The following IPO11 variants were observed in gnomAD, a reference collection of about 807,000 sequenced individuals.
IPO11 encodes importin 11.
IPO11 carries 66 observed loss-of-function variants against 143.2 expected under a neutral mutation model. That is an observed-to-expected ratio of 0.46 (90% confidence interval 0.38 to 0.57). The LOEUF is 0.57. IPO11 is among the 20% of genes least tolerant of loss of function. The probability of loss-of-function intolerance (pLI) is 0.00; values close to 1 mark genes in which losing one functional copy is unlikely to be tolerated. For missense variants in IPO11, 1,026 were observed against 1,141.0 expected (o/e 0.90, Z 1.45); for synonymous variants, 385 against 377.8 (o/e 1.02, Z -0.22).
chr5:62,539,392 G>T (rs374097216), intron 24 of IPO11, among the ~76,000 whole-genome samples: 67 of 152,214 alleles, frequency 4.4e-4, no homozygotes, highest in African/African-American at 1.6e-3. Flanking sequence ...TTTTGTTGTT[G>T]CAGGGACAAA....
chr5:62,582,064 T>A (rs926768841), intron 27 of IPO11, among the ~76,000 whole-genome samples: 2 of 152,066 alleles, frequency 1.3e-5, no homozygotes, highest in Admixed American at 6.6e-5. Context: ...GAAAGAGAGA[T>A]CAGGTGATGA....
chr5:62,571,989 T>A (rs1040156029), intron 27 of IPO11, among the ~76,000 whole-genome samples: 4 of 152,164 alleles, frequency 2.6e-5, no homozygotes, highest in African/African-American at 9.7e-5. Flanking sequence ...CCCGGCCTTA[T>A]TAAACCTTTT....
intron 5 of IPO11, among the ~76,000 whole-genome samples, chr5:62,460,930 A>G (rs1745339032): frequency 6.6e-6 from 1 of 152,132 alleles, no homozygotes. Flanking sequence ...TCTGGAGCAG[A>G]TAGGAGGTAT....
Position 62,471,694 on chromosome 5 carries a change from T to C in IPO11, c.708+1386T>C, listed in dbSNP as rs144123492. On this transcript the variant is annotated intron_variant, in intron 7 of 29. Transcript: ENST00000325324. ...TTCCATTGTCAGTTATATTGTTACA[T>C]GTTATTTTTAAAATGATTGTATGGT... 4.4e-3 allele frequency among the ~76,000 whole-genome samples: 671 copies of C among 152,338 alleles called. 7 individuals carry two copies. Among genetic ancestry groups the C allele is most frequent in the African/African-American group, 0.016 (647 of 41,582 alleles).
intron 27 of IPO11, chr5:62,580,721 C>CT (rs1744518884): frequency 1.3e-6 from 2 of 1,551,414 alleles, no homozygotes; most frequent in Non-Finnish European, 1.7e-6. Context: ...CACAAGACTA[C>CT]TGCGCTAATG....
At chr5:62,576,313 G>A (rs1413899625) in intron 27 of IPO11, 1 of 152,514 alleles carries the variant, frequency 6.6e-6, no homozygotes, top group African/African-American at 2.4e-5. Flanking sequence ...GCCTCGACAG[G>A]CTTCATGATG....
chr5:62,489,283 T>A lies in IPO11; in HGVS notation c.1310-19T>A, dbSNP rs752206813. 4 of 1,406,582 alleles carry A rather than the reference T, an allele frequency of 2.8e-6. No homozygotes were observed. The African/African-American group carries it at 4.4e-5, about 15-fold the overall frequency. 87.1% of individuals were successfully genotyped at this position (1,406,582 alleles called of 1,614,324 possible). ...TTTATTTGCTTTTACTGATACCTAT[T>A]TATATATATATTTTTTAGGACCCAC... On this transcript the variant is annotated intron_variant, in intron 13 of 29. Coordinates refer to ENST00000325324, the MANE Select transcript of IPO11 (RefSeq NM_016338.5).
At chr5:62,553,817 A>G (rs911733551) in intron 26 of IPO11, among the ~76,000 whole-genome samples, 1 of 151,990 alleles carries the variant, frequency 6.6e-6, no homozygotes, top group Non-Finnish European at 1.5e-5. Context: ...CAGTGGCACG[A>G]TCTCGGCTTA....
At chr5:62,526,436 G>A in intron 21 of IPO11, 179 bp downstream of exon 21, 4 of 455,524 alleles carry the variant, frequency 8.8e-6, no homozygotes, top group Non-Finnish European at 1.6e-5. Context: ...TAGGATTATA[G>A]TAGACAAAGT....
chr5:62,621,442 C>A (rs1395378367), intron 29 of IPO11, among the ~76,000 whole-genome samples: 1 of 152,192 alleles, frequency 6.6e-6, no homozygotes, highest in African/African-American at 2.4e-5. Context: ...AGGCTCCTCC[C>A]CCTGCAAATG....
intron 5 of IPO11, among the ~76,000 whole-genome samples, chr5:62,455,123 G>C (rs1019362247): frequency 7.9e-5 from 12 of 152,188 alleles, no homozygotes; most frequent in African/African-American, 2.9e-4. Flanking sequence ...AATTTTGCTG[G>C]TTAATACAGC....
At chr5:62,553,398 G>A (rs778150736) in intron 26 of IPO11, among the ~76,000 whole-genome samples, 5 of 151,852 alleles carry the variant, frequency 3.3e-5, no homozygotes, top group African/African-American at 4.8e-5. Context: ...GTAGATGGGT[G>A]CCTAGGTTAA....
rs116363357 is a variant in IPO11 at position 62,519,580 on chromosome 5, T to C, written c.1896+4079T>C. On this transcript the variant is annotated intron_variant, in intron 20 of 29. Coordinates refer to ENST00000325324, the MANE Select transcript of IPO11 (RefSeq NM_016338.5). ...AAAGACGGTTGAAGGCCTATATCAT[T>C]ATGTCATGATTAATTTTATTTCTTA... Among the ~76,000 whole-genome samples the C allele has an allele frequency of 2.6e-3, 395 of 152,226 alleles. 3 individuals carry two copies. Among genetic ancestry groups the C allele is most frequent in the African/African-American group, 8.8e-3 (367 of 41,572 alleles).
chr5:62,416,898 T>A (rs555059416), intron 1 of IPO11, among the ~76,000 whole-genome samples: 166 of 151,880 alleles, frequency 1.1e-3, no homozygotes, highest in African/African-American at 3.7e-3. Context: ...CTTGGCTAAT[T>A]TTTGAATTTT....
intron 2 of IPO11, among the ~76,000 whole-genome samples, chr5:62,438,263 C>T (rs1458007021): frequency 6.6e-6 from 1 of 151,864 alleles, no homozygotes; most frequent in East Asian, 1.9e-4. Context: ...AGATATTGTT[C>T]ATGACAGTAA....
intron 25 of IPO11, 37 bp downstream of exon 25, chr5:62,550,499 A>C: frequency 7.4e-7 from 1 of 1,353,084 alleles, no homozygotes; most frequent in African/African-American, 1.4e-5. Flanking sequence ...GTAGTGTTAG[A>C]CTATAGGATT....
chr5:62,420,579 AC>A (rs1367944926), intron 1 of IPO11, among the ~76,000 whole-genome samples: 1 of 149,040 alleles, frequency 6.7e-6, no homozygotes, highest in Admixed American at 6.7e-5. Flanking sequence ...TCTGACTGAA[AC>A]TTTTTTTTTT....
intron 19 of IPO11, among the ~76,000 whole-genome samples, chr5:62,511,327 C>G (rs925955136): frequency 6.6e-5 from 10 of 152,138 alleles, no homozygotes; most frequent in Non-Finnish European, 1.3e-4. Flanking sequence ...ACTTTGTAAT[C>G]TGTTTTTACT....
chr5:62,435,136 G>GTATATATGTA (rs1561308891), intron 1 of IPO11, among the ~76,000 whole-genome samples: 24,522 of 95,392 alleles, frequency 0.26, 4,802 homozygotes, highest in East Asian at 0.39. Flanking sequence ...GTATATATAT[G>GTATATATGTA]TATATATGTA....
Sources: gnomAD v4.1 joint callset for allele counts (sites outside exome capture counted in the v4.1 genomes callset) on GRCh38, gnomAD v4.1.1 for gene constraint, MANE v1.5 for transcripts, NCBI Gene and HGNC (gene_info 2026-07-23, HGNC 2026-07-21) for gene names.